Variants in STOX2 observed in about 807,000 individuals in gnomAD.
The protein encoded by STOX2 is storkhead-box protein 2.
Under a neutral mutation model 60.9 loss-of-function variants are expected in STOX2, and 28 were observed. That is an observed-to-expected ratio of 0.46 (90% CI 0.34 to 0.63). STOX2 has a LOEUF of 0.63. Among genes scored for constraint, STOX2 ranks in the 30% least tolerant of loss-of-function variants. The pLI is 0.01. For missense variants in STOX2, 1,024 were observed against 1,187.7 expected (o/e 0.86, Z 2.03); for synonymous variants, 472 against 463.9 (o/e 1.02, Z -0.22).
At chr4:184,006,619 T>TGAGC (rs1460158361) in intron 2 of STOX2, among the ~76,000 whole-genome samples, 2 of 142,554 alleles carry the variant, frequency 1.4e-5, no homozygotes, top group African/African-American at 5.3e-5. Context: ...CCTGGGGAAG[T>TGAGC]TGAGGCTGCA....
intron 1 of STOX2, among the ~76,000 whole-genome samples, chr4:183,855,558 C>T (rs531922902): frequency 1.3e-3 from 203 of 152,180 alleles, no homozygotes; most frequent in Middle Eastern, 3.4e-3. Context: ...TGGAGAAAAA[C>T]GAATGGTCGT....
chr4:183,807,113 C>T (rs1215332883), intron 1 of STOX2, among the ~76,000 whole-genome samples: 2 of 152,086 alleles, frequency 1.3e-5, no homozygotes, highest in South Asian at 2.1e-4. Flanking sequence ...GCTGGGACTG[C>T]AGGCGACCAC....
intron 1 of STOX2, among the ~76,000 whole-genome samples, chr4:183,802,303 A>C (rs2111091494): frequency 6.6e-6 from 1 of 152,322 alleles, no homozygotes; most frequent in Non-Finnish European, 1.5e-5. Context: ...TCTTTTCCAA[A>C]ATTTTTATTG....
At chr4:183,823,069 C>G (rs1006579695) in intron 1 of STOX2, among the ~76,000 whole-genome samples, 1 of 152,168 alleles carries the variant, frequency 6.6e-6, no homozygotes, top group South Asian at 2.1e-4. Context: ...TAAATGTAAC[C>G]GCAATGATCT....
chr4:183,950,679 C>G (rs974278393), intron 1 of STOX2, among the ~76,000 whole-genome samples: 2 of 118 alleles, frequency 0.017, no homozygotes, highest in Non-Finnish European at 0.038. Flanking sequence ...CGCATGAGGC[C>G]GGGGAGCCAC....
intron 1 of STOX2, among the ~76,000 whole-genome samples, chr4:183,898,315 G>T (rs1741386779): frequency 6.6e-6 from 1 of 151,962 alleles, no homozygotes; most frequent in African/African-American, 2.4e-5. Flanking sequence ...TGACTCCCAG[G>T]TTCTTGCCCT....
intron 1 of STOX2, among the ~76,000 whole-genome samples, chr4:183,842,921 G>A (rs540050259): frequency 1.6e-4 from 25 of 151,976 alleles, no homozygotes; most frequent in East Asian, 1.4e-3. Context: ...AGGCCAAGGC[G>A]GGTGGATCAC....
intron 1 of STOX2, among the ~76,000 whole-genome samples, chr4:183,848,722 G>C (rs1378785948): frequency 2.0e-5 from 3 of 152,244 alleles, no homozygotes; most frequent in African/African-American, 7.2e-5. Flanking sequence ...GGAGCAAGCT[G>C]TCATCTTTAT....
chr4:183,982,128 G>T (rs1383561016), intron 1 of STOX2, among the ~76,000 whole-genome samples: 1 of 152,108 alleles, frequency 6.6e-6, no homozygotes. Context: ...TCCCACTTTG[G>T]GCTCTAGGAT....
At position 183,926,756 on chromosome 4, in the gene STOX2, T is replaced by C. The variant is rs572502306; in HGVS notation, c.166+19800T>C. Reference sequence around the variant, plus strand: ...CTCCTGGCTCAGCCTCCCAAGTAGCTGGGACTTGGCACGCGCCACCATGCC... The same window carrying C: ...CTCCTGGCTCAGCCTCCCAAGTAGCCGGGACTTGGCACGCGCCACCATGCC... On this transcript the variant is annotated intron_variant, in intron 1 of 3. Coordinates refer to ENST00000308497, the MANE Select transcript of STOX2 (RefSeq NM_020225.3). 1.8e-4 allele frequency among the ~76,000 whole-genome samples: 28 copies of C among 152,250 alleles called. No homozygotes were observed. In the South Asian group the frequency reaches 5.2e-3, roughly 28 times the overall value.
At position 184,019,153 on chromosome 4, in the gene STOX2, T is replaced by G. The variant is rs1006087309; in HGVS notation, c.*1869T>G. The G allele has an allele frequency of 6.6e-6, 1 of 152,216 alleles. No homozygotes were observed. The highest frequency in any genetic ancestry group is 1.5e-5 in the Non-Finnish European group (1 of 68,048). The allele number at this position is 152,216 out of a possible 1,614,324, so 9.4% of individuals were successfully genotyped here. On this transcript the variant is annotated 3_prime_UTR_variant, in exon 4 of 4. Transcript: ENST00000308497. Reference sequence around the variant, plus strand: ...GTCAAACTGAACTCCTTGAGTTTGGTGTAAATTCCTTTTTTCTGCTTATTA... The same window carrying G: ...GTCAAACTGAACTCCTTGAGTTTGGGGTAAATTCCTTTTTTCTGCTTATTA...
intron 1 of STOX2, among the ~76,000 whole-genome samples, chr4:183,800,599 C>G (rs1288068252): frequency 6.6e-6 from 1 of 152,164 alleles, no homozygotes; most frequent in African/African-American, 2.4e-5. Flanking sequence ...CATAGATGAG[C>G]TTTACAGGAG....
At position 183,895,357 on chromosome 4, in the gene STOX2, G is replaced by A. The variant is rs189880219; in HGVS notation, c.364+97302G>A. 6.2e-4 allele frequency among the ~76,000 whole-genome samples: 94 copies of A among 152,210 alleles called. 1 individual carries two copies. In the East Asian group the frequency reaches 0.017, roughly 27 times the overall value. ...TGTTCCTTTATGATCTGAAGTCCAC[G>A]GCCATTTGATGCCCCTCTGCTGGGA... On this transcript the variant is annotated intron_variant, in intron 1 of 2. Transcript: ENST00000513034.
chr4:183,820,925 A>C (rs1579301638), intron 1 of STOX2, among the ~76,000 whole-genome samples: 1 of 149,610 alleles, frequency 6.7e-6, no homozygotes. Flanking sequence ...ACATAGTGAG[A>C]CCCCGTCTCT....
chr4:183,853,065 G>A (rs932527061), intron 1 of STOX2, among the ~76,000 whole-genome samples: 2 of 152,086 alleles, frequency 1.3e-5, no homozygotes, highest in South Asian at 2.1e-4. Context: ...TGGGACTTAC[G>A]GTCACCCTAG....
Position 184,022,918 on chromosome 4 carries a change from TGACA to T in STOX2, c.*5636_*5639del, listed in dbSNP as rs1734645574. 2 of 152,204 alleles carry T rather than the reference TGACA, an allele frequency of 1.3e-5. No homozygotes were observed. The highest frequency in any genetic ancestry group is 4.8e-5 in the African/African-American group (2 of 41,440). 9.4% of individuals were successfully genotyped at this position (152,204 alleles called of 1,614,324 possible). A position where few individuals can be genotyped will look rare whatever the true frequency, so the allele number is the denominator to read the frequency against. Reference sequence around the variant, plus strand: ...CCTAGGGTCACCTTCATGCAAGTATTGACAGCTACAAATTAAAGTCCTTAGAGCA... The same window carrying T: ...CCTAGGGTCACCTTCATGCAAGTATTGCTACAAATTAAAGTCCTTAGAGCA... On this transcript the variant is annotated 3_prime_UTR_variant, in exon 4 of 4. Transcript: ENST00000308497.
At chr4:183,975,690 T>TA (rs1000292439) in intron 1 of STOX2, among the ~76,000 whole-genome samples, 14 of 152,116 alleles carry the variant, frequency 9.2e-5, no homozygotes, top group African/African-American at 3.4e-4. Flanking sequence ...AATCAAAACC[T>TA]AAAAAACTAC....
intron 1 of STOX2, among the ~76,000 whole-genome samples, chr4:183,953,586 G>T (rs1743157932): frequency 1.5e-5 from 1 of 64,736 alleles, no homozygotes; most frequent in Admixed American, 1.4e-4. Flanking sequence ...TTTTTTTTGA[G>T]ACTGAGTCTG....
intron 1 of STOX2, among the ~76,000 whole-genome samples, chr4:183,909,650 T>A (rs1379446667): frequency 6.6e-6 from 1 of 152,222 alleles, no homozygotes; most frequent in Non-Finnish European, 1.5e-5. Flanking sequence ...CTTCAGGACA[T>A]GAGAGAGCCT....
Sources: allele counts gnomAD v4.1 joint callset (sites outside exome capture counted in the v4.1 genomes callset), GRCh38; gene constraint gnomAD v4.1.1; transcripts MANE v1.5; gene names NCBI Gene and HGNC (gene_info 2026-07-23, HGNC 2026-07-21).